COPG2: variants seen among roughly 807,000 people sequenced by gnomAD.
COPG2 encodes coat protein complex I subunit gamma 2.
A neutral mutation model predicts 46.3 loss-of-function variants in COPG2; 37 were observed. That is an observed-to-expected ratio of 0.80 (90% CI 0.61 to 1.05). The LOEUF (loss-of-function observed/expected upper bound fraction) is 1.05. Ranked by LOEUF, COPG2 falls within the 50% of genes least tolerant of loss-of-function variation. COPG2 has a pLI of 0.00. For missense variants in COPG2, 427 were observed against 387.8 expected, an observed-to-expected ratio of 1.10 and a Z score of -0.85; for synonymous variants, 159 against 129.7, an observed-to-expected ratio of 1.23 and a Z score of -1.53.
intron 9 of COPG2, among the ~76,000 whole-genome samples, chr7:130,576,517 GAAC>G (rs1794001284): frequency 6.6e-6 from 1 of 152,130 alleles, no homozygotes; most frequent in African/African-American, 2.4e-5. Context: ...TCTTCGAACT[GAAC>G]AATAATGACA....
rs368953465 is a variant in COPG2 at position 130,633,227 on chromosome 7, C to G, written c.324-16162G>C. On this transcript the variant is annotated intron_variant, in intron 5 of 23. Coordinates refer to ENST00000425248, the MANE Select transcript of COPG2 (RefSeq NM_012133.6). ...CATACATGTGCATGTGTCTTTATAGCAGAATGATTTATAATCCTTTGGATA... is the reference window on the plus strand; with the variant it reads ...CATACATGTGCATGTGTCTTTATAGGAGAATGATTTATAATCCTTTGGATA... 2.0e-5 allele frequency among the ~76,000 whole-genome samples: 3 copies of G among 152,232 alleles called. No individual in the cohort carries two copies. In the South Asian group the frequency reaches 6.2e-4, roughly 32 times the overall value.
intron 15 of COPG2, among the ~76,000 whole-genome samples, 178 bp downstream of exon 15, chr7:130,552,177 G>A (rs971707965): frequency 2.1e-4 from 32 of 152,150 alleles, no homozygotes; most frequent in Admixed American, 1.6e-3. Flanking sequence ...ACATCAAATT[G>A]ATTGGGAGGT....
In COPG2 at chr7:130,663,039, C is replaced by A. The variant is rs1393946283; in HGVS notation, c.172-1G>T. ...CTTCCGTTGTTCCAAAGTGTTCACC[C>A]TAAGTAAAATTTAAAACAATTTTTA... On this transcript the variant is annotated splice_acceptor_variant, in intron 3 of 23. Transcript: ENST00000425248. LOFTEE classifies it high-confidence loss of function. The A allele has an allele frequency of 9.3e-6, 14 of 1,511,236 alleles. No individual in the cohort carries two copies. Among genetic ancestry groups the A allele is most frequent in the Non-Finnish European group, 1.1e-5 (13 of 1,130,754 alleles). The allele number at this position is 1,511,236 out of a possible 1,614,324, so 93.6% of individuals were successfully genotyped here.
At position 130,567,994 on chromosome 7, in the gene COPG2, G is replaced by A. The variant is rs930859239; in HGVS notation, c.738-3601C>T. 2.0e-3 allele frequency among the ~76,000 whole-genome samples: 309 copies of A among 152,262 alleles called. 2 individuals are homozygous for A. The highest frequency in any genetic ancestry group is 6.7e-3 in the African/African-American group (280 of 41,554). On this transcript the variant is annotated intron_variant, in intron 9 of 23. Transcript: ENST00000425248. ...ATCTCAGTAATAACACTGAATGTAAGAGGGCTAGGTGCGGTGACTCACACC... is the reference window on the plus strand; with the variant it reads ...ATCTCAGTAATAACACTGAATGTAAAAGGGCTAGGTGCGGTGACTCACACC...
chr7:130,605,848 T>C (rs1554451159), intron 9 of COPG2: 1 of 498,168 alleles, frequency 2.0e-6, no homozygotes, highest in Non-Finnish European at 4.0e-6. Flanking sequence ...AAATGGATCT[T>C]GTTGTAAGCC....
chr7:130,564,545 C>T, intron 9 of COPG2, 152 bp from the exon 10 acceptor site: 1 of 396,108 alleles, frequency 2.5e-6, no homozygotes, highest in Non-Finnish European at 4.4e-6. Context: ...AATTAGAACA[C>T]TGGCAAAATT....
At chr7:130,511,266 TA>T (rs1478914304) in intron 20 of COPG2, among the ~76,000 whole-genome samples, 1 of 151,410 alleles carries the variant, frequency 6.6e-6, no homozygotes, top group Admixed American at 6.6e-5. Context: ...GAATAATAAT[TA>T]AAGAAAAGGG....
intron 5 of COPG2, among the ~76,000 whole-genome samples, chr7:130,650,547 ATTTG>A (rs1795715860): frequency 1.3e-5 from 2 of 152,066 alleles, no homozygotes; most frequent in African/African-American, 4.8e-5. Context: ...TTTTTTGTTC[ATTTG>A]TTTGTTTTTT....
chr7:130,539,808 C>T (rs981866070), intron 20 of COPG2, among the ~76,000 whole-genome samples: 148 of 152,128 alleles, frequency 9.7e-4, no homozygotes, highest in African/African-American at 3.2e-3. Flanking sequence ...CAGCCACAGG[C>T]AGGACAGCCA....
chr7:130,520,239 G>C (rs1799713335), intron 20 of COPG2, among the ~76,000 whole-genome samples: 1 of 152,178 alleles, frequency 6.6e-6, no homozygotes, highest in Non-Finnish European at 1.5e-5. Context: ...ATAGCAGTAA[G>C]TATGATGTTA....
chr7:130,510,494 AATT>A (rs1444725520), intron 20 of COPG2, among the ~76,000 whole-genome samples: 2 of 152,186 alleles, frequency 1.3e-5, no homozygotes, highest in East Asian at 3.9e-4. Context: ...GAGAGACATT[AATT>A]ATAGCAACCC....
intron 9 of COPG2, among the ~76,000 whole-genome samples, chr7:130,589,287 T>G (rs1794351012): frequency 1.3e-5 from 2 of 152,092 alleles, no homozygotes; most frequent in Non-Finnish European, 1.5e-5. Context: ...TTTACTTTTT[T>G]TTTTTTTAAG....
intron 9 of COPG2, among the ~76,000 whole-genome samples, chr7:130,601,845 GGGAA>G (rs1213987829): frequency 1.4e-5 from 2 of 143,370 alleles, no homozygotes; most frequent in African/African-American, 2.6e-5. Flanking sequence ...GAAGGAAGGA[GGGAA>G]GGAAGGAAGG....
intron 12 of COPG2, among the ~76,000 whole-genome samples, chr7:130,560,498 A>G (rs1344211348): frequency 1.3e-5 from 2 of 152,192 alleles, no homozygotes; most frequent in African/African-American, 4.8e-5. Context: ...CCTAAATTTC[A>G]TAGGAAATGC....
chr7:130,591,815 G>A (rs1169105467), intron 9 of COPG2, among the ~76,000 whole-genome samples: 3 of 151,260 alleles, frequency 2.0e-5, no homozygotes, highest in Admixed American at 6.6e-5. Context: ...CGCCCCATCC[G>A]GGAGGTGAGG....
intron 5 of COPG2, among the ~76,000 whole-genome samples, chr7:130,635,845 C>T (rs1386553636): frequency 4.6e-5 from 7 of 152,156 alleles, no homozygotes; most frequent in African/African-American, 1.4e-4. Flanking sequence ...GCATTTAGTG[C>T]TATAAATTTC....
chr7:130,509,505 GGA>G (rs1799561994), intron 20 of COPG2, among the ~76,000 whole-genome samples: 1 of 152,210 alleles, frequency 6.6e-6, no homozygotes, highest in South Asian at 2.1e-4. Flanking sequence ...GGATAGGCAA[GGA>G]GAGGAAAGAA....
chr7:130,623,246 A>T (rs782017152), intron 5 of COPG2, among the ~76,000 whole-genome samples: 13 of 152,222 alleles, frequency 8.5e-5, no homozygotes, highest in Non-Finnish European at 1.9e-4. Context: ...CACTGGCCCC[A>T]GGAACCAGGG....
At chr7:130,656,811 A>G (rs1370067091) in intron 4 of COPG2, among the ~76,000 whole-genome samples, 1 of 152,064 alleles carries the variant, frequency 6.6e-6, no homozygotes, top group Non-Finnish European at 1.5e-5. Context: ...ACTTGAATAA[A>G]GGGATATATA....
Sources: allele counts gnomAD v4.1 joint callset (sites outside exome capture counted in the v4.1 genomes callset), GRCh38; gene constraint gnomAD v4.1.1; transcripts MANE v1.5; gene names NCBI Gene and HGNC (gene_info 2026-07-23, HGNC 2026-07-21).